The following FNDC3B variants were observed in gnomAD, a reference collection of about 807,000 sequenced individuals.
FNDC3B encodes fibronectin type III domain containing 3B.
A neutral mutation model predicts 151.5 loss-of-function variants in FNDC3B; 12 were observed. That is an observed-to-expected ratio of 0.08 (90% CI 0.05 to 0.13). The LOEUF is 0.13. Ranked by LOEUF, FNDC3B falls within the 10% of genes least tolerant of loss-of-function variation. FNDC3B has a pLI of 1.00. For missense variants in FNDC3B, 1,214 were observed against 1,505.3 expected (o/e 0.81, Z 3.20); for synonymous variants, 528 against 549.0 (o/e 0.96, Z 0.54).
intron 1 of FNDC3B, among the ~76,000 whole-genome samples, chr3:172,043,274 T>TA (rs1716184568): frequency 1.3e-5 from 2 of 152,200 alleles, no homozygotes; most frequent in Non-Finnish European, 2.9e-5. Flanking sequence ...GGCTAGTGGT[T>TA]ACCATATTGG....
intron 1 of FNDC3B, among the ~76,000 whole-genome samples, chr3:172,074,166 C>T (rs1381592871): frequency 3.9e-5 from 6 of 152,166 alleles, no homozygotes; most frequent in Admixed American, 6.6e-5. Flanking sequence ...TGCTTCTAGC[C>T]TGAGGGAGGT....
At chr3:172,321,184 C>T (rs1732061916) in intron 11 of FNDC3B, among the ~76,000 whole-genome samples, 1 of 152,144 alleles carries the variant, frequency 6.6e-6, no homozygotes, top group Non-Finnish European at 1.5e-5. Context: ...TTTGTTGACT[C>T]CTGTGGTTTT....
At chr3:172,186,821 T>TA (rs1576777182) in intron 3 of FNDC3B, 2 of 687,324 alleles carry the variant, frequency 2.9e-6, no homozygotes, top group East Asian at 5.5e-5. Context: ...ATTTCTTCAT[T>TA]ACGAGCACTT....
intron 3 of FNDC3B, among the ~76,000 whole-genome samples, chr3:172,176,500 G>A (rs1472927402): frequency 6.6e-6 from 1 of 152,160 alleles, no homozygotes; most frequent in African/African-American, 2.4e-5. Flanking sequence ...TCTCTGAATT[G>A]AGTTAGGAAA....
intron 1 of FNDC3B, among the ~76,000 whole-genome samples, chr3:172,087,271 C>G (rs1718593832): frequency 6.6e-6 from 1 of 152,048 alleles, no homozygotes; most frequent in East Asian, 1.9e-4. Flanking sequence ...CCATCTTTTT[C>G]TTCTGCTGTT....
intron 3 of FNDC3B, among the ~76,000 whole-genome samples, chr3:172,165,563 T>A (rs1053095850): frequency 1.3e-5 from 2 of 152,234 alleles, no homozygotes; most frequent in African/African-American, 4.8e-5. Flanking sequence ...AATTGCAATA[T>A]CTTATAATCT....
intron 1 of FNDC3B, among the ~76,000 whole-genome samples, chr3:172,102,660 G>A (rs1719431156): frequency 6.6e-6 from 1 of 152,236 alleles, no homozygotes; most frequent in African/African-American, 2.4e-5. Flanking sequence ...TCAAAGTGCT[G>A]TGGGGTGCCA....
At chr3:172,225,657 A>G (rs373361437) in intron 3 of FNDC3B, 214 of 160,110 alleles carry the variant, frequency 1.3e-3, no homozygotes, top group African/African-American at 5.0e-3. Context: ...GACTACTTCT[A>G]TGAAGTCCCA....
At chr3:172,318,504 G>T (rs1731926414) in intron 11 of FNDC3B, among the ~76,000 whole-genome samples, 1 of 152,218 alleles carries the variant, frequency 6.6e-6, no homozygotes, top group African/African-American at 2.4e-5. Context: ...TAATCCTTCT[G>T]AGTGAATTTG....
chr3:172,181,411 A>C (rs1398470800), intron 3 of FNDC3B, among the ~76,000 whole-genome samples: 4 of 144,584 alleles, frequency 2.8e-5, no homozygotes, highest in Non-Finnish European at 6.1e-5. Flanking sequence ...AAAAAAAAAA[A>C]AAACAAAAAA....
chr3:172,318,814 A>G (rs149222438), intron 11 of FNDC3B, among the ~76,000 whole-genome samples: 6 of 152,352 alleles, frequency 3.9e-5, no homozygotes, highest in East Asian at 1.9e-4. Flanking sequence ...GGCTCTGTCC[A>G]TCAGAGACCA....
intron 23 of FNDC3B, among the ~76,000 whole-genome samples, chr3:172,372,211 A>G (rs151108660): frequency 3.0e-4 from 45 of 152,306 alleles, no homozygotes; most frequent in Admixed American, 6.5e-4. Flanking sequence ...GGAGCCCCAC[A>G]GGTGTTACTG....
rs756720599 is a variant in FNDC3B at position 172,307,489 on chromosome 3, C to T, written c.1188C>T (p.Thr396=). 5.6e-6 allele frequency: 9 copies of T among 1,613,940 alleles called. No individual in the cohort carries two copies. Among genetic ancestry groups the T allele is most frequent in the African/African-American group, 2.7e-5 (2 of 74,870 alleles). The change falls in exon 10 of 26, where the codon ACC becomes ACT. Residue 396 remains threonine (T), a synonymous_variant. Transcript: ENST00000415807. ...CACATAGGAGCAAAAGTTCACTAAC[C>T]CTGCAGTGGAAGGTGGGTAGCTCAA... ...KLAHRSKSSL[T]LQWKAPIDNG...
intron 6 of FNDC3B, among the ~76,000 whole-genome samples, chr3:172,284,727 G>A (rs1337433724): frequency 1.4e-5 from 2 of 147,762 alleles, no homozygotes; most frequent in East Asian, 2.0e-4. Flanking sequence ...AGACTATCTC[G>A]AATGCCCTCT....
At chr3:172,130,794 T>C (rs1008252813) in intron 2 of FNDC3B, among the ~76,000 whole-genome samples, 4 of 152,184 alleles carry the variant, frequency 2.6e-5, no homozygotes, top group Non-Finnish European at 5.9e-5. Flanking sequence ...GAAGAGAGTA[T>C]ATGAATTTGG....
chr3:172,220,802 A>G (rs947190010), intron 3 of FNDC3B, among the ~76,000 whole-genome samples: 2 of 152,202 alleles, frequency 1.3e-5, no homozygotes, highest in African/African-American at 4.8e-5. Context: ...CTTAATAATA[A>G]ATCTTCCATG....
intron 11 of FNDC3B, among the ~76,000 whole-genome samples, chr3:172,317,593 T>C (rs1053556666): frequency 2.0e-5 from 3 of 152,228 alleles, no homozygotes; most frequent in African/African-American, 7.2e-5. Flanking sequence ...AGCCTCGGCC[T>C]TTCCACTGGA....
At chr3:172,141,716 G>A (rs181290118) in intron 3 of FNDC3B, among the ~76,000 whole-genome samples, 25 of 152,210 alleles carry the variant, frequency 1.6e-4, no homozygotes, top group Non-Finnish European at 3.7e-4. Flanking sequence ...TGGGCTTGGT[G>A]GTTGGCACCT....
Position 172,328,935 on chromosome 3 carries a change from T to C in FNDC3B, c.1255-17T>C, listed in dbSNP as rs746483341. ...TTTTTTTTTAAGTATATGCATTGTT[T>C]CATTGTTTACTTTTAGGGAAAAAGA... On this transcript the variant is annotated splice_polypyrimidine_tract_variant and intron_variant, in intron 11 of 25. Transcript: ENST00000415807. 7.6e-6 allele frequency: 12 copies of C among 1,587,136 alleles called. No homozygotes were observed. The East Asian group carries it at 1.8e-4, about 24-fold the overall frequency.
Sources: gnomAD v4.1 joint callset for allele counts (sites outside exome capture counted in the v4.1 genomes callset) on GRCh38, gnomAD v4.1.1 for gene constraint, MANE v1.5 for transcripts, NCBI Gene and HGNC (gene_info 2026-07-23, HGNC 2026-07-21) for gene names.